Variants in EEF2KMT observed in about 807,000 individuals in gnomAD.
EEF2KMT encodes eukaryotic elongation factor 2 lysine methyltransferase.
EEF2KMT carries 30 observed loss-of-function variants against 35.1 expected under a neutral mutation model. The ratio of observed to expected loss-of-function variants is 0.85; its 90% CI spans 0.64 to 1.16. The LOEUF (loss-of-function observed/expected upper bound fraction) is 1.16. EEF2KMT is among the 50% of genes most tolerant of loss of function. The probability of loss-of-function intolerance (pLI) is 0.00; values close to 1 mark genes in which losing one functional copy is unlikely to be tolerated. For missense variants in EEF2KMT, 499 were observed against 438.2 expected, an observed-to-expected ratio of 1.14 and a Z score of -1.24; for synonymous variants, 190 against 187.7, an observed-to-expected ratio of 1.01 and a Z score of -0.10.
chr16:5,089,190 C>CGGCA lies in EEF2KMT; in HGVS notation c.805_808dup (p.Arg270LeufsTer9), dbSNP rs1567177738. On this transcript the variant is annotated frameshift_variant, in exon 7 of 8. Coordinates refer to ENST00000427587, the MANE Select transcript of EEF2KMT (RefSeq NM_201400.4). LOFTEE classifies it high-confidence loss of function. Reference sequence around the variant, plus strand: ...GACCTCAGGAGCCCGCTGGTGCTCCCGGCAGGCAGCCAGCCTCCGCAGGAC... The same window carrying CGGCA: ...GACCTCAGGAGCCCGCTGGTGCTCCCGGCAGGCAGGCAGCCAGCCTCCGCAGGAC... 1 of 1,611,044 alleles carries CGGCA rather than the reference C, an allele frequency of 6.2e-7. No homozygotes were observed. The highest frequency in any genetic ancestry group is 1.1e-5 in the South Asian group (1 of 91,006).
chr16:5,096,045 C>T (rs1480010613), intron 1 of EEF2KMT, among the ~76,000 whole-genome samples: 1 of 152,060 alleles, frequency 6.6e-6, no homozygotes, highest in Non-Finnish European at 1.5e-5. Context: ...TCTCTCTGGC[C>T]TGTTCTCCCT....
At chr16:5,093,417 G>A (rs2333956) in intron 3 of EEF2KMT, 67 bp downstream of exon 3, 3 of 1,609,052 alleles carry the variant, frequency 1.9e-6, no homozygotes, top group South Asian at 2.2e-5. Flanking sequence ...GCCTGGGAAG[G>A]ACGGGGGCTC....
At chr16:5,085,789 G>T in intron 7 of EEF2KMT, 57 bp from the exon 8 acceptor site, 1 of 1,322,156 alleles carries the variant, frequency 7.6e-7, no homozygotes, top group Non-Finnish European at 1.1e-6. Context: ...GGACATGAGG[G>T]TATTGTGTGG....
chr16:5,090,602 T>C lies in EEF2KMT; in HGVS notation c.343-37A>G. 1 of 1,611,260 alleles carries C rather than the reference T, an allele frequency of 6.2e-7. No homozygotes were observed. The highest frequency in any genetic ancestry group is 8.5e-7 in the Non-Finnish European group (1 of 1,179,504). On this transcript the variant is annotated intron_variant, in intron 4 of 7. Coordinates refer to ENST00000427587, the MANE Select transcript of EEF2KMT (RefSeq NM_201400.4). This position sits in a 1 kb window ranked among gnomAD's most constrained non-coding sequence, Gnocchi z 4.1. ...GAAGGCGAGAGAGTCAGTCCAGCGA[T>C]CAGAAGGCAAGTGGCTTAGAAGACA...
At chr16:5,088,438 G>A (rs1957261126) in intron 7 of EEF2KMT, among the ~76,000 whole-genome samples, 2 of 152,182 alleles carry the variant, frequency 1.3e-5, no homozygotes, top group Non-Finnish European at 2.9e-5. Context: ...GTGCTCAGGG[G>A]GAGCTGGGGC....
chr16:5,097,607 G>C, intron 1 of EEF2KMT, 37 bp downstream of exon 1: 5 of 1,532,214 alleles, frequency 3.3e-6, no homozygotes, highest in Non-Finnish European at 4.4e-6. Flanking sequence ...GGACTCCCGC[G>C]AGCCCCGCGG....
At position 5,090,408 on chromosome 16, in the gene EEF2KMT, C is replaced by A; in HGVS notation, c.476+24G>T. ...GCACCAGGGTAAGCCTGCCTCGGTG[C>A]CCTGCCCTGCGCCCCGAGGTCACCT... On this transcript the variant is annotated intron_variant, in intron 5 of 7. Coordinates refer to ENST00000427587, the MANE Select transcript of EEF2KMT (RefSeq NM_201400.4). This position sits in a 1 kb window ranked among gnomAD's most constrained non-coding sequence, Gnocchi z 4.1. The A allele has an allele frequency of 6.2e-7, 1 of 1,611,968 alleles. No homozygotes were observed. Among genetic ancestry groups the A allele is most frequent in the Non-Finnish European group, 8.5e-7 (1 of 1,179,844 alleles).
Position 5,085,587 on chromosome 16 carries a change from A to C in EEF2KMT, c.*45T>G, listed in dbSNP as rs1362121954. On this transcript the variant is annotated 3_prime_UTR_variant, in exon 8 of 8. Transcript: ENST00000427587. ...TTCCCATATAAAAATTCTTCCCATG[A>C]GAGTGACTTGATTCTCACAATCCCG... 11 of 1,333,018 alleles carry C rather than the reference A, an allele frequency of 8.3e-6. No homozygotes were observed. The highest frequency in any genetic ancestry group is 4.7e-5 in the South Asian group (4 of 85,432). The allele number at this position is 1,333,018 out of a possible 1,614,324, so 82.6% of individuals were successfully genotyped here. A position where few individuals can be genotyped will look rare whatever the true frequency, so the allele number is the denominator to read the frequency against.
chr16:5,085,662 C>T lies in EEF2KMT; in HGVS notation c.963G>A (p.Leu321=), dbSNP rs755384762. 3.1e-6 allele frequency: 5 copies of T among 1,611,576 alleles called. No individual in the cohort carries two copies. The African/African-American group carries it at 5.3e-5, about 17-fold the overall frequency. The change falls in exon 8 of 8, where the codon TTG becomes TTA. Residue 321 remains leucine (L), a synonymous_variant. Transcript: ENST00000427587. ...GGGTGAGATTCAGCATTGCCATCTC[C>T]AAGTGCTCTTCGTAGGGAAACAGTT... The part of the protein sequence containing the change: ...EQKLFPYEEH[L]EMAMLNLTL
In EEF2KMT at chr16:5,090,907, G is replaced by C. The variant is rs1957328480; in HGVS notation, c.343-342C>G. 6.6e-6 allele frequency among the ~76,000 whole-genome samples: 1 copy of C among 152,046 alleles called. No homozygotes were observed. The highest frequency in any genetic ancestry group is 2.4e-5 in the African/African-American group (1 of 41,406). On this transcript the variant is annotated intron_variant, in intron 4 of 7. Transcript: ENST00000427587. This position sits in a 1 kb window ranked among gnomAD's most constrained non-coding sequence, Gnocchi z 4.1. ...TGATTCAATATGCTGTTTTTCCTTT[G>C]TGGTTTTCTGTATCTATGTTTTATC... is the stretch of plus-strand genomic sequence containing the variant.
At chr16:5,095,616 G>A (rs1957442904) in intron 1 of EEF2KMT, 102 bp from the exon 2 acceptor site, 1 of 1,568,450 alleles carries the variant, frequency 6.4e-7, no homozygotes, top group Admixed American at 1.7e-5. Flanking sequence ...CCTCCCTGGG[G>A]ACGTGGAGCC....
rs550809860 is a variant in EEF2KMT at position 5,090,583 on chromosome 16, G to A, written c.343-18C>T. 2.5e-6 allele frequency: 4 copies of A among 1,611,904 alleles called. No individual in the cohort carries two copies. Among genetic ancestry groups the A allele is most frequent in the African/African-American group, 1.3e-5 (1 of 74,968 alleles). On this transcript the variant is annotated intron_variant, in intron 4 of 7. Coordinates refer to ENST00000427587, the MANE Select transcript of EEF2KMT (RefSeq NM_201400.4). The surrounding 1 kb of genome is among the most constrained non-coding windows in gnomAD (Gnocchi z 4.1). The stretch of plus-strand genomic sequence containing the variant: ...CCCGAGGGCTGCACCAAGAGAAGGC[G>A]AGAGAGTCAGTCCAGCGATCAGAAG...
Position 5,084,574 on chromosome 16 carries a change from A to C in EEF2KMT, c.*1058T>G. 9.9e-7 allele frequency: 1 copy of C among 1,005,900 alleles called. No individual in the cohort carries two copies. The highest frequency in any genetic ancestry group is 2.1e-5 in the Admixed American group (1 of 47,316). The allele number at this position is 1,005,900 out of a possible 1,614,324, so 62.3% of individuals were successfully genotyped here. A position where few individuals can be genotyped will look rare whatever the true frequency, so the allele number is the denominator to read the frequency against. ...TGCGGGGAAGTTTCCAGAAACTGTG[A>C]TGTCAAGTTGGAGGCGGAGTGCTGC... On this transcript the variant is annotated 3_prime_UTR_variant, in exon 8 of 8. Transcript: ENST00000427587.
In EEF2KMT at chr16:5,085,748, A is replaced by G. The variant is rs536814642; in HGVS notation, c.893-16T>C. ...CCGGCCCGGCCTGGAAACAGAGCAC[A>G]TGTGTTTGAGGATGGCGGTGTTTGG... On this transcript the variant is annotated splice_polypyrimidine_tract_variant and intron_variant, in intron 7 of 7. Coordinates refer to ENST00000427587, the MANE Select transcript of EEF2KMT (RefSeq NM_201400.4). 6.5e-5 allele frequency: 103 copies of G among 1,593,590 alleles called. 1 individual carries two copies. In the South Asian group the frequency reaches 1.1e-3, roughly 17 times the overall value.
intron 1 of EEF2KMT, among the ~76,000 whole-genome samples, chr16:5,096,115 C>G (rs1452726244): frequency 1.3e-5 from 2 of 152,092 alleles, no homozygotes; most frequent in African/African-American, 4.8e-5. Context: ...GGTGTTGTTC[C>G]TCAACCACAG....
At position 5,090,589 on chromosome 16, in the gene EEF2KMT, G is replaced by T. The variant is rs1372979765; in HGVS notation, c.343-24C>A. Reference sequence around the variant, plus strand: ...GGCTGCACCAAGAGAAGGCGAGAGAGTCAGTCCAGCGATCAGAAGGCAAGT... The same window carrying T: ...GGCTGCACCAAGAGAAGGCGAGAGATTCAGTCCAGCGATCAGAAGGCAAGT... On this transcript the variant is annotated intron_variant, in intron 4 of 7. Transcript: ENST00000427587. The surrounding 1 kb of genome is among the most constrained non-coding windows in gnomAD (Gnocchi z 4.1). The T allele has an allele frequency of 4.3e-6, 7 of 1,611,758 alleles. No individual in the cohort carries two copies. Among genetic ancestry groups the T allele is most frequent in the Non-Finnish European group, 5.9e-6 (7 of 1,179,790 alleles).
Position 5,090,772 on chromosome 16 carries a change from C to G in EEF2KMT, c.343-207G>C, listed in dbSNP as rs1049630991. Among the ~76,000 whole-genome samples the G allele has an allele frequency of 6.6e-6, 1 of 152,108 alleles. No individual in the cohort carries two copies. The highest frequency in any genetic ancestry group is 1.5e-5 in the Non-Finnish European group (1 of 68,016). On this transcript the variant is annotated intron_variant, in intron 4 of 7. Coordinates refer to ENST00000427587, the MANE Select transcript of EEF2KMT (RefSeq NM_201400.4). This position sits in a 1 kb window ranked among gnomAD's most constrained non-coding sequence, Gnocchi z 4.1. ...TGAAAGACACTCATCTCAGGCCACA[C>G]AGGATTCCATTCATCGAACCTTCCT...
At chr16:5,097,428 A>T (rs1208476677) in intron 1 of EEF2KMT, 4 of 1,420,794 alleles carry the variant, frequency 2.8e-6, no homozygotes, top group Admixed American at 4.9e-5. Context: ...GGCTGTGGAG[A>T]CGCCCCCAGC....
Position 5,090,916 on chromosome 16 carries a change from T to C in EEF2KMT, c.343-351A>G, listed in dbSNP as rs533503802. 5.9e-5 allele frequency among the ~76,000 whole-genome samples: 9 copies of C among 152,276 alleles called. No individual in the cohort carries two copies. In the South Asian group the frequency reaches 1.9e-3, roughly 32 times the overall value. ...ATGCTGTTTTTCCTTTGTGGTTTTC[T>C]GTATCTATGTTTTATCTTATTTTTT... On this transcript the variant is annotated intron_variant, in intron 4 of 7. Coordinates refer to ENST00000427587, the MANE Select transcript of EEF2KMT (RefSeq NM_201400.4). This position sits in a 1 kb window ranked among gnomAD's most constrained non-coding sequence, Gnocchi z 4.1.
Sources: gnomAD v4.1 joint callset for allele counts (sites outside exome capture counted in the v4.1 genomes callset) on GRCh38, gnomAD v4.1.1 for gene constraint, Gnocchi (gnomAD v3.1) non-coding constraint, MANE v1.5 for transcripts, NCBI Gene and HGNC (gene_info 2026-07-23, HGNC 2026-07-21) for gene names.